The following DST variants were observed in gnomAD, a reference collection of about 807,000 sequenced individuals.
DST encodes bullous pemphigoid antigen.
In DST, 253 loss-of-function variants were observed where a neutral mutation model predicts 875.2. That is an observed-to-expected ratio of 0.29 (90% CI 0.26 to 0.32). The LOEUF (loss-of-function observed/expected upper bound fraction) is 0.32, where lower values mean the gene tolerates loss of function less well. DST is among the 10% of genes least tolerant of loss of function. The probability of loss-of-function intolerance (pLI) is 1.00; values close to 1 mark genes in which losing one functional copy is unlikely to be tolerated. For missense variants in DST, 8,287 were observed against 9,111.6 expected, an observed-to-expected ratio of 0.91 and a Z score of 3.68; for synonymous variants, 3,124 against 3,197.1, an observed-to-expected ratio of 0.98 and a Z score of 0.77.
intron 3 of DST, among the ~76,000 whole-genome samples, chr6:56,881,923 G>A (rs1017832241): frequency 2.6e-5 from 4 of 152,164 alleles, no homozygotes; most frequent in African/African-American, 7.2e-5. Flanking sequence ...AGAGGGCAGC[G>A]CGTGCACAAG....
intron 2 of DST, among the ~76,000 whole-genome samples, chr6:56,917,970 T>G (rs938523534): frequency 1.1e-4 from 17 of 152,234 alleles, no homozygotes; most frequent in African/African-American, 4.1e-4. Flanking sequence ...TTTTGAATCT[T>G]CAAATACATC....
chr6:56,636,496 T>C, intron 23 of DST, 61 bp downstream of exon 23: 2 of 1,310,998 alleles, frequency 1.5e-6, no homozygotes, highest in South Asian at 2.4e-5. Flanking sequence ...ATGAAAAAGA[T>C]TCCTGCAAGT....
At chr6:56,753,534 TAATG>T (rs978920079) in intron 4 of DST, among the ~76,000 whole-genome samples, 7 of 152,258 alleles carry the variant, frequency 4.6e-5, no homozygotes, top group Middle Eastern at 3.4e-3. Flanking sequence ...TAAAAAGAAA[TAATG>T]AATGTTATGC....
intron 4 of DST, among the ~76,000 whole-genome samples, chr6:56,827,701 A>G (rs2099782405): frequency 1.3e-5 from 2 of 152,106 alleles, no homozygotes; most frequent in South Asian, 4.1e-4. Flanking sequence ...CCAACCATGC[A>G]TTTACCTGCT....
At chr6:56,844,841 C>T (rs958638913) in intron 4 of DST, among the ~76,000 whole-genome samples, 2 of 147,170 alleles carry the variant, frequency 1.4e-5, no homozygotes, top group African/African-American at 5.0e-5. Flanking sequence ...CACCGTATTC[C>T]AGCCTGGGCG....
At chr6:56,782,905 G>C (rs2099697050) in intron 4 of DST, among the ~76,000 whole-genome samples, 2 of 152,144 alleles carry the variant, frequency 1.3e-5, no homozygotes, top group Admixed American at 1.3e-4. Context: ...ATGTGTCCCA[G>C]AGATTCTGGT....
intron 3 of DST, among the ~76,000 whole-genome samples, chr6:56,875,227 G>C (rs910705987): frequency 1.3e-5 from 2 of 151,786 alleles, no homozygotes; most frequent in East Asian, 3.9e-4. Flanking sequence ...CTCGTGATCC[G>C]CCCGCCTCAG....
chr6:56,627,304 T>C lies in DST; in HGVS notation c.4639-17A>G. ...CACCAGCATCTATAAATATACACAG[T>C]TTAGAACAAAAATGACAAGGAATTC... is the stretch of plus-strand genomic sequence containing the variant. On this transcript the variant is annotated splice_polypyrimidine_tract_variant and intron_variant, in intron 33 of 103. Transcript: ENST00000680361. The C allele has an allele frequency of 6.3e-7, 1 of 1,577,002 alleles. No homozygotes were observed. The highest frequency in any genetic ancestry group is 8.7e-7 in the Non-Finnish European group (1 of 1,147,402).
chr6:56,563,456 A>G (rs1585000863), intron 55 of DST, among the ~76,000 whole-genome samples: 2 of 151,892 alleles, frequency 1.3e-5, no homozygotes, highest in Non-Finnish European at 2.9e-5. Context: ...GTAAATTTGT[A>G]TAAGTTCCTT....
chr6:56,620,854 T>G, intron 36 of DST: 6 of 774,088 alleles, frequency 7.8e-6, no homozygotes, highest in Non-Finnish European at 1.3e-5. Context: ...ACCAGCAGCA[T>G]CACCTTCTTC....
In DST at chr6:56,508,768, A is replaced by G. The variant is rs780228675; in HGVS notation, c.19013-13T>C. 2.5e-6 allele frequency: 4 copies of G among 1,596,100 alleles called. No individual in the cohort carries two copies. Among genetic ancestry groups the G allele is most frequent in the Non-Finnish European group, 3.4e-6 (4 of 1,166,974 alleles). On this transcript the variant is annotated splice_polypyrimidine_tract_variant and intron_variant, in intron 74 of 103. Transcript: ENST00000680361. ...TTATCCTGAACAGCTATGAAGCAAA[A>G]CAATATCCACAAGGCGACTGGTTAG...
intron 12 of DST, among the ~76,000 whole-genome samples, chr6:56,650,316 AT>A (rs2098967664): frequency 7.0e-6 from 1 of 143,576 alleles, no homozygotes; most frequent in East Asian, 2.0e-4. Context: ...ACTTGTTAGC[AT>A]AACCACCCAA....
chr6:56,501,250 G>A lies in DST; in HGVS notation c.19741-15C>T. 2.6e-6 allele frequency: 4 copies of A among 1,565,806 alleles called. No individual in the cohort carries two copies. Among genetic ancestry groups the A allele is most frequent in the Non-Finnish European group, 3.4e-6 (4 of 1,164,238 alleles). On this transcript the variant is annotated splice_polypyrimidine_tract_variant and intron_variant, in intron 79 of 103. Coordinates refer to ENST00000680361, the MANE Select transcript of DST (RefSeq NM_001374736.1). ...TCCAGTTTATGCTACAGAAAAAGTG[G>A]AAAGAAAATCCATTTATAAATTTGA...
intron 47 of DST, among the ~76,000 whole-genome samples, chr6:56,595,037 G>C (rs1456470767): frequency 1.3e-5 from 2 of 152,252 alleles, no homozygotes; most frequent in African/African-American, 4.8e-5. Context: ...TTTCCCTCCA[G>C]CCATAAGCAT....
chr6:56,638,618 T>C (rs529180339), intron 22 of DST, among the ~76,000 whole-genome samples: 186 of 152,230 alleles, frequency 1.2e-3, no homozygotes, highest in African/African-American at 4.4e-3. Context: ...ACTAACTCTG[T>C]CTAATATACA....
At chr6:56,909,876 C>A (rs762762396) in intron 2 of DST, among the ~76,000 whole-genome samples, 9 of 152,040 alleles carry the variant, frequency 5.9e-5, no homozygotes, top group Non-Finnish European at 1.2e-4. Flanking sequence ...GCAGGGGGAC[C>A]CTCAGGATTA....
At chr6:56,696,164 CT>C (rs909024071) in intron 9 of DST, among the ~76,000 whole-genome samples, 2 of 151,998 alleles carry the variant, frequency 1.3e-5, no homozygotes, top group Admixed American at 6.5e-5. Context: ...AGAAGCAAAA[CT>C]TTTTTTATTT....
At chr6:56,600,253 T>G (rs755148512) in intron 44 of DST, 32 bp from the exon 45 acceptor site, 7 of 1,594,924 alleles carry the variant, frequency 4.4e-6, no homozygotes, top group Middle Eastern at 1.7e-4. Flanking sequence ...ACATCTTAAA[T>G]GTATGGTGGT....
At chr6:56,599,979 T>C (rs2098429375) in intron 45 of DST, 90 bp downstream of exon 45, 5 of 1,266,292 alleles carry the variant, frequency 3.9e-6, no homozygotes, top group African/African-American at 1.5e-5. Context: ...CTAAAATTAC[T>C]GGTATTTTCA....
Sources: gnomAD v4.1 joint callset for allele counts (sites outside exome capture counted in the v4.1 genomes callset) on GRCh38, gnomAD v4.1.1 for gene constraint, MANE v1.5 for transcripts, NCBI Gene and HGNC (gene_info 2026-07-23, HGNC 2026-07-21) for gene names.